Variants in PPM1L observed in about 807,000 individuals in gnomAD.
PPM1L encodes the protein protein phosphatase 1L.
PPM1L carries 13 observed loss-of-function variants against 31.4 expected under a neutral mutation model. That is an observed-to-expected ratio of 0.41 (90% CI 0.27 to 0.66). The LOEUF is 0.66. Among genes scored for constraint, PPM1L ranks in the 30% least tolerant of loss-of-function variants. The pLI, the probability that PPM1L is intolerant of heterozygous loss-of-function variation, is 0.29. For missense variants in PPM1L, 326 were observed against 453.7 expected (o/e 0.72, Z 2.56); for synonymous variants, 184 against 175.4 (o/e 1.05, Z -0.39).
At chr3:160,909,946 C>T (rs1177263702) in intron 1 of PPM1L, among the ~76,000 whole-genome samples, 1 of 152,082 alleles carries the variant, frequency 6.6e-6, no homozygotes, top group African/African-American at 2.4e-5. Flanking sequence ...ATGTACTGAC[C>T]TAGTTAATAC....
At chr3:160,913,792 A>G (rs960080913) in intron 1 of PPM1L, among the ~76,000 whole-genome samples, 1 of 152,150 alleles carries the variant, frequency 6.6e-6, no homozygotes, top group Non-Finnish European at 1.5e-5. Context: ...TCGTGTATTC[A>G]TTCAGATACT....
At chr3:161,029,619 T>C (rs998980178) in intron 2 of PPM1L, among the ~76,000 whole-genome samples, 2 of 152,204 alleles carry the variant, frequency 1.3e-5, no homozygotes, top group South Asian at 4.1e-4. Flanking sequence ...TATTAATAGT[T>C]TCCAAAAAGA....
At chr3:160,765,231 G>C (rs28404654) in intron 1 of PPM1L, among the ~76,000 whole-genome samples, 2,511 of 152,282 alleles carry the variant, frequency 0.016, 64 homozygotes, top group African/African-American at 0.057. Flanking sequence ...TGTGGGTGGT[G>C]AAACTAGGGT....
intron 1 of PPM1L, among the ~76,000 whole-genome samples, chr3:160,876,201 A>T (rs1475243655): frequency 6.6e-6 from 1 of 152,194 alleles, no homozygotes; most frequent in Non-Finnish European, 1.5e-5. Context: ...TGAGTGTTTA[A>T]AGTAGAAGAT....
chr3:160,799,824 C>G (rs1712372434), intron 1 of PPM1L, among the ~76,000 whole-genome samples: 1 of 152,176 alleles, frequency 6.6e-6, no homozygotes, highest in South Asian at 2.1e-4. Context: ...CCTCTATTTT[C>G]TGATACTTCC....
intron 1 of PPM1L, among the ~76,000 whole-genome samples, chr3:160,944,991 A>ATAT (rs1553748291): frequency 4.2e-5 from 1 of 23,568 alleles, no homozygotes; most frequent in African/African-American, 1.3e-4. Flanking sequence ...TATATATAAC[A>ATAT]TATATATAAC....
chr3:160,835,976 T>TTTTGATCACATCC (rs1337496475), intron 1 of PPM1L, among the ~76,000 whole-genome samples: 5,700 of 152,082 alleles, frequency 0.037, 137 homozygotes, highest in Middle Eastern at 0.068. Context: ...TCCCATGACT[T>TTTTGATCACATCC]CTTATCCTTC....
intron 2 of PPM1L, among the ~76,000 whole-genome samples, chr3:161,037,384 C>G (rs1206224091): frequency 6.9e-6 from 1 of 144,584 alleles, no homozygotes; most frequent in Admixed American, 7.0e-5. Flanking sequence ...TGTGAATGCA[C>G]TTGGGAATGT....
intron 1 of PPM1L, among the ~76,000 whole-genome samples, chr3:160,957,305 G>A (rs2108104083): frequency 6.6e-6 from 1 of 152,296 alleles, no homozygotes; most frequent in South Asian, 2.1e-4. Flanking sequence ...GTTTATCACT[G>A]ATGGGCATTT....
intron 1 of PPM1L, among the ~76,000 whole-genome samples, chr3:160,780,491 A>G (rs191943163): frequency 1.3e-5 from 2 of 152,322 alleles, no homozygotes; most frequent in African/African-American, 4.8e-5. Flanking sequence ...AGGCCTAGCC[A>G]GACTTCTGTG....
intron 1 of PPM1L, among the ~76,000 whole-genome samples, chr3:160,818,723 CATA>C (rs1713068768): frequency 6.6e-6 from 1 of 151,752 alleles, no homozygotes. Context: ...TTTATTAACA[CATA>C]ATAATTATAC....
At chr3:160,765,429 T>C (rs1347452900) in intron 1 of PPM1L, among the ~76,000 whole-genome samples, 1 of 152,226 alleles carries the variant, frequency 6.6e-6, no homozygotes, top group Non-Finnish European at 1.5e-5. Flanking sequence ...GACAGTTGTG[T>C]CTCTGTGACA....
intron 2 of PPM1L, among the ~76,000 whole-genome samples, chr3:161,030,336 T>G (rs1718527940): frequency 6.6e-6 from 1 of 152,110 alleles, no homozygotes; most frequent in African/African-American, 2.4e-5. Context: ...TTTTTTTTGT[T>G]TGTTTGTTCG....
At chr3:160,903,228 G>A (rs1713622336) in intron 1 of PPM1L, among the ~76,000 whole-genome samples, 1 of 149,554 alleles carries the variant, frequency 6.7e-6, no homozygotes, top group South Asian at 2.1e-4. Flanking sequence ...GTGTGTGTGT[G>A]TGTGTGTGTG....
intron 2 of PPM1L, among the ~76,000 whole-genome samples, chr3:161,029,455 A>C (rs747050657): frequency 9.9e-5 from 15 of 152,218 alleles, no homozygotes; most frequent in Non-Finnish European, 1.8e-4. Flanking sequence ...AATGTCATAC[A>C]ATTCCAGTAA....
intron 1 of PPM1L, among the ~76,000 whole-genome samples, chr3:160,881,723 T>C (rs1356863225): frequency 2.0e-5 from 3 of 152,198 alleles, no homozygotes; most frequent in Non-Finnish European, 4.4e-5. Flanking sequence ...GTGTGTCTTA[T>C]CTCCCAAGAT....
At chr3:161,003,719 T>TC (rs1220702286) in intron 2 of PPM1L, among the ~76,000 whole-genome samples, 1 of 152,232 alleles carries the variant, frequency 6.6e-6, no homozygotes, top group Non-Finnish European at 1.5e-5. Flanking sequence ...AAGTTGCCTA[T>TC]CAGCTTAAGG....
intron 2 of PPM1L, among the ~76,000 whole-genome samples, chr3:161,024,682 G>A (rs11715733): frequency 0.35 from 51,228 of 148,220 alleles, 9,126 homozygotes; most frequent in East Asian, 0.65. Flanking sequence ...TGGGCAACAA[G>A]AGTGAAACTC....
chr3:160,925,239 G>A (rs1214497905), intron 1 of PPM1L, among the ~76,000 whole-genome samples: 1 of 152,124 alleles, frequency 6.6e-6, no homozygotes, highest in Non-Finnish European at 1.5e-5. Flanking sequence ...CTGTTTATAA[G>A]TGTCACATTT....
Sources: allele counts gnomAD v4.1 joint callset (sites outside exome capture counted in the v4.1 genomes callset), GRCh38; gene constraint gnomAD v4.1.1; transcripts MANE v1.5; gene names NCBI Gene and HGNC (gene_info 2026-07-23, HGNC 2026-07-21).